The following LAMA4 variants were observed in gnomAD, a reference collection of about 807,000 sequenced individuals.
LAMA4 encodes laminin subunit alpha-4.
LAMA4 carries 127 observed loss-of-function variants against 207.1 expected under a neutral mutation model. The observed-to-expected ratio is 0.61, with a 90% CI of 0.53 to 0.71. The LOEUF (loss-of-function observed/expected upper bound fraction) is 0.71. LAMA4 is among the 30% of genes least tolerant of loss of function. LAMA4 has a pLI of 0.00. For synonymous variants in LAMA4, 761 were observed against 816.0 expected (o/e 0.93, Z 1.15); for missense variants, 2,093 against 2,246.5 (o/e 0.93, Z 1.38).
chr6:112,185,209 C>T (rs576861452), intron 9 of LAMA4, 28 bp downstream of exon 9: 16 of 1,419,622 alleles, frequency 1.1e-5, no homozygotes, highest in East Asian at 4.6e-5. Context: ...TGAAGGCTGT[C>T]CCAGAAACTG....
At chr6:112,158,906 C>G in intron 13 of LAMA4, 26 bp from the exon 14 acceptor site, 1 of 1,497,122 alleles carries the variant, frequency 6.7e-7, no homozygotes, top group Non-Finnish European at 9.3e-7. Flanking sequence ...TTAATAAATA[C>G]ATTGAATTTA....
Position 112,140,792 on chromosome 6 carries a change from A to G in LAMA4, c.2944T>C (p.Phe982Leu), listed in dbSNP as rs532293767. ...TTGGAAGGCACTCCACCAACATAAA[A>G]CACTGTGTCCTCAGGGTCCAGGTCC... Reference protein sequence around the residue: ...LLDLDPEDTVFYVGGVPSNFK... With the variant: ...LLDLDPEDTVLYVGGVPSNFK... The change falls in exon 22 of 39, where the codon TTT becomes CTT. Residue 982 changes from phenylalanine (F) to leucine (L), a missense_variant. Phe to Leu is a conservative substitution (Grantham distance 22). This residue lies in a region of LAMA4 where 1,704 missense variants were observed against 1,788.4 expected (regional missense o/e 0.95). Coordinates refer to ENST00000230538, the MANE Select transcript of LAMA4 (RefSeq NM_001105206.3). 2 of 1,614,082 alleles carry G rather than the reference A, an allele frequency of 1.2e-6. No homozygotes were observed. Among genetic ancestry groups the G allele is most frequent in the East Asian group, 2.2e-5 (1 of 44,854 alleles).
At chr6:112,132,666 A>C (rs914903213) in intron 28 of LAMA4, 87 bp downstream of exon 28, 9 of 1,273,218 alleles carry the variant, frequency 7.1e-6, no homozygotes, top group Non-Finnish European at 1.0e-5. Flanking sequence ...TGAATAGAAA[A>C]TCACTTCTAA....
chr6:112,113,068 A>ACAGTTAGAT (rs1468465076), intron 38 of LAMA4, among the ~76,000 whole-genome samples: 2 of 152,218 alleles, frequency 1.3e-5, no homozygotes, highest in African/African-American at 4.8e-5. Context: ...ATACAAAAAT[A>ACAGTTAGAT]CAGTTAGATA....
Position 112,120,407 on chromosome 6 carries a change from T to C in LAMA4, c.4541A>G (p.Gln1514Arg). ...TAGAGTCATGAAGTCATTCTCTTCT[T>C]GATCTGAGACATAGAAGATCATGCC... ...SHGMIFYVSD[Q>R]EENDFMTLFL... The change falls in exon 33 of 39, where the codon CAA becomes CGA. Residue 1514 changes from glutamine (Q) to arginine (R), a missense_variant. Coordinates refer to ENST00000230538, the MANE Select transcript of LAMA4 (RefSeq NM_001105206.3). 2 of 1,613,934 alleles carry C rather than the reference T, an allele frequency of 1.2e-6. No homozygotes were observed. The highest frequency in any genetic ancestry group is 1.7e-6 in the Non-Finnish European group (2 of 1,179,814).
At chr6:112,240,610 A>G (rs1483847270) in intron 2 of LAMA4, among the ~76,000 whole-genome samples, 3 of 152,054 alleles carry the variant, frequency 2.0e-5, no homozygotes, top group Non-Finnish European at 4.4e-5. Context: ...AGTTCAATTG[A>G]CTTGATTTTT....
At chr6:112,191,907 ATCT>A (rs1162566854) in intron 5 of LAMA4, 57 bp from the exon 6 acceptor site, 1 of 1,308,486 alleles carries the variant, frequency 7.6e-7, no homozygotes, top group African/African-American at 1.5e-5. Flanking sequence ...CTTCCTTTTA[ATCT>A]TCTTTCCTAC....
chr6:112,170,825 G>A (rs1781666553), intron 12 of LAMA4, among the ~76,000 whole-genome samples: 1 of 152,120 alleles, frequency 6.6e-6, no homozygotes, highest in Admixed American at 6.5e-5. Flanking sequence ...TGGAGTATAG[G>A]GTAGGTCTCC....
chr6:112,138,187 A>G (rs958094086), intron 24 of LAMA4, among the ~76,000 whole-genome samples: 1 of 152,226 alleles, frequency 6.6e-6, no homozygotes, highest in Non-Finnish European at 1.5e-5. Context: ...AGTTTACAAA[A>G]TGATACCTGG....
chr6:112,155,725 T>C lies in LAMA4; in HGVS notation c.1818-19A>G. 1 of 1,613,440 alleles carries C rather than the reference T, an allele frequency of 6.2e-7. No individual in the cohort carries two copies. The highest frequency in any genetic ancestry group is 8.5e-7 in the Non-Finnish European group (1 of 1,179,534). ...CAACTTCCTGTTAATAAACAAACAT[T>C]GTTATTTCTCCTTCTTACCTTCTTG... On this transcript the variant is annotated intron_variant, in intron 14 of 38. Coordinates refer to ENST00000230538, the MANE Select transcript of LAMA4 (RefSeq NM_001105206.3).
Position 112,202,439 on chromosome 6 carries a change from TA to T in LAMA4, c.423-752del, listed in dbSNP as rs11313465. ...ATAGACACATGAATTGTGTGGGGCA[TA>T]GGGGTGTGTGTGTGTGTGTGTGTGT... On this transcript the variant is annotated intron_variant, in intron 4 of 38. Transcript: ENST00000230538. 7.4e-3 allele frequency among the ~76,000 whole-genome samples: 1,026 copies of T among 138,294 alleles called. 6 individuals are homozygous for T. Among genetic ancestry groups the T allele is most frequent in the African/African-American group, 0.026 (875 of 34,252 alleles). The allele number at this position is 138,294 out of a possible 152,430, so 90.7% of individuals were successfully genotyped here.
At chr6:112,191,915 TC>T in intron 5 of LAMA4, 65 bp from the exon 6 acceptor site, 7 of 1,244,466 alleles carry the variant, frequency 5.6e-6, no homozygotes, top group Non-Finnish European at 7.0e-6. Flanking sequence ...TAATCTTCTT[TC>T]CTACAAAGAA....
At chr6:112,216,566 C>T in intron 2 of LAMA4, 97 bp from the exon 3 acceptor site, 1 of 783,432 alleles carries the variant, frequency 1.3e-6, no homozygotes, top group Non-Finnish European at 2.2e-6. Context: ...ATTAAACAAT[C>T]TAAACATTTC....
chr6:112,201,620 G>C lies in LAMA4; in HGVS notation c.491C>G (p.Pro164Arg). 6.2e-7 allele frequency: 1 copy of C among 1,613,552 alleles called. No individual in the cohort carries two copies. Among genetic ancestry groups the C allele is most frequent in the Non-Finnish European group, 8.5e-7 (1 of 1,179,546 alleles). ...RCICNENYAG[P>R]NCERCAPGYY... is the part of the protein sequence containing the mutation. ...TTTATTGGCTTACCTTTCACAGTTA[G>C]GTCCAGCATAATTTTCGTTACAAAT... Residue 164 changes from proline (P) to arginine (R), a missense_variant, in exon 5 of 39, where the codon CCT (proline) becomes CGT (arginine). Pro to Arg is a moderately radical substitution (Grantham distance 103, BLOSUM62 -2). Around this residue, in one of 3 missense-constraint regions of LAMA4, gnomAD observed 1,704 missense variants for 1,788.4 expected, o/e 0.95. Coordinates refer to ENST00000230538, the MANE Select transcript of LAMA4 (RefSeq NM_001105206.3).
chr6:112,115,814 G>C, intron 36 of LAMA4, 49 bp downstream of exon 36: 2 of 1,578,176 alleles, frequency 1.3e-6, no homozygotes, highest in Non-Finnish European at 1.7e-6. Context: ...TTCAGATCTA[G>C]AATCCAAGGT....
intron 8 of LAMA4, chr6:112,186,810 G>A (rs1419238734): frequency 4.4e-6 from 2 of 453,100 alleles, no homozygotes; most frequent in Non-Finnish European, 8.8e-6. Context: ...ATCTGAGGAT[G>A]TGGAACCTGT....
intron 13 of LAMA4, among the ~76,000 whole-genome samples, chr6:112,164,849 CT>C (rs535729273): frequency 4.8e-4 from 73 of 152,304 alleles, no homozygotes; most frequent in African/African-American, 1.7e-3. Flanking sequence ...GGCGCAATGC[CT>C]GTTTCTGCAC....
At chr6:112,150,202 G>GACACACACACACACACACACACACAC (rs68144829) in intron 17 of LAMA4, among the ~76,000 whole-genome samples, 3 of 143,346 alleles carry the variant, frequency 2.1e-5, no homozygotes, top group African/African-American at 5.2e-5. Flanking sequence ...CCCATTAAAA[G>GACACACACACACACACACACACACAC]ACACACACAC....
intron 11 of LAMA4, among the ~76,000 whole-genome samples, chr6:112,174,476 G>A (rs1445808100): frequency 2.6e-5 from 4 of 152,190 alleles, no homozygotes; most frequent in Admixed American, 6.6e-5. Flanking sequence ...TGTTTTAAAT[G>A]AATACATTTG....
Sources: gnomAD v4.1 joint callset for allele counts (sites outside exome capture counted in the v4.1 genomes callset) on GRCh38, gnomAD v4.1.1 for gene constraint, gnomAD v4.1.1 regional missense constraint, MANE v1.5 for transcripts, NCBI Gene and HGNC (gene_info 2026-07-23, HGNC 2026-07-21) for gene names.